Variants in SPAST observed in about 807,000 individuals in gnomAD.
SPAST encodes spastin.
A neutral mutation model predicts 76.6 loss-of-function variants in SPAST; 30 were observed. The observed-to-expected ratio is 0.39, with a 90% confidence interval of 0.29 to 0.53. SPAST has a LOEUF of 0.53. Among genes scored for constraint, SPAST ranks in the 20% least tolerant of loss-of-function variants. The pLI, the probability that SPAST is intolerant of heterozygous loss-of-function variation, is 0.68. For missense variants in SPAST, 717 were observed against 770.5 expected, an observed-to-expected ratio of 0.93 and a Z score of 0.82; for synonymous variants, 305 against 281.0, an observed-to-expected ratio of 1.09 and a Z score of -0.86.
In SPAST at chr2:32,063,618, G is replaced by C; in HGVS notation, c.-214G>C. ...CAGCGACAGGAAGGGAGGGGCCCGA[G>C]CCACCGACTGCAGGAGGAGAAGGGG... On this transcript the variant is annotated 5_prime_UTR_variant, in exon 1 of 17. Coordinates refer to ENST00000315285, the MANE Select transcript of SPAST (RefSeq NM_014946.4). The C allele has an allele frequency of 1.8e-5, 11 of 596,484 alleles. No individual in the cohort carries two copies. The South Asian group carries it at 2.3e-4, about 13-fold the overall frequency. The allele number at this position is 596,484 out of a possible 1,614,324, so 36.9% of individuals were successfully genotyped here. A position where few individuals can be genotyped will look rare whatever the true frequency, so the allele number is the denominator to read the frequency against.
intron 13 of SPAST, among the ~76,000 whole-genome samples, chr2:32,142,262 T>C (rs756808948): frequency 3.0e-4 from 46 of 152,196 alleles, no homozygotes; most frequent in Non-Finnish European, 5.6e-4. Context: ...ATTCATTTAA[T>C]GGATACTGTT....
chr2:32,136,328 G>A (rs1252762078), intron 9 of SPAST, among the ~76,000 whole-genome samples: 1 of 152,018 alleles, frequency 6.6e-6, no homozygotes, highest in Admixed American at 6.6e-5. Context: ...AGGAATGCAG[G>A]GTGAAGCAAA....
At position 32,083,672 on chromosome 2, in the gene SPAST, TA is replaced by T. The variant is rs1558619864; in HGVS notation, c.416-3819del. Reference sequence around the variant, plus strand: ...TCTGCCTACTATATATATATATATATATATTTTTATGCTATATATAGAGTAT... The same window carrying T: ...TCTGCCTACTATATATATATATATATTATTTTTATGCTATATATAGAGTAT... On this transcript the variant is annotated intron_variant, in intron 1 of 16. Coordinates refer to ENST00000315285, the MANE Select transcript of SPAST (RefSeq NM_014946.4). 2.0e-3 allele frequency among the ~76,000 whole-genome samples: 282 copies of T among 141,320 alleles called. 4 individuals are homozygous for T. The highest frequency in any genetic ancestry group is 5.1e-3 in the African/African-American group (197 of 38,836). 92.7% of individuals were successfully genotyped at this position (141,320 alleles called of 152,430 possible).
intron 11 of SPAST, 30 bp from the exon 12 acceptor site, chr2:32,137,079 A>G: frequency 6.3e-7 from 1 of 1,596,678 alleles, no homozygotes; most frequent in South Asian, 1.1e-5. Context: ...ACTTTTCTAA[A>G]TGAATTGAAA....
At chr2:32,071,567 A>G (rs1294626493) in intron 1 of SPAST, among the ~76,000 whole-genome samples, 3 of 152,328 alleles carry the variant, frequency 2.0e-5, no homozygotes, top group Non-Finnish European at 2.9e-5. Context: ...TGGTCAGGCT[A>G]TAGCTTGATT....
intron 12 of SPAST, among the ~76,000 whole-genome samples, chr2:32,138,085 A>G (rs1454174013): frequency 6.6e-6 from 1 of 152,156 alleles, no homozygotes; most frequent in African/African-American, 2.4e-5. Context: ...ACTTAGATTG[A>G]TTCTATGTCT....
intron 4 of SPAST, among the ~76,000 whole-genome samples, chr2:32,105,577 C>T (rs540578562): frequency 6.6e-6 from 1 of 152,246 alleles, no homozygotes; most frequent in Admixed American, 6.5e-5. Flanking sequence ...CTGGTTTCTC[C>T]CCATCTTTGT....
At position 32,063,682 on chromosome 2, in the gene SPAST, GGCGGGCA is replaced by G; in HGVS notation, c.-146_-140del. ...CGAGGAAGGAGAAAGGGGCGGGGCC[GGCGGGCA>G]GCGTGCGGCAGTGCGGAGCTCCTGA... On this transcript the variant is annotated 5_prime_UTR_variant, in exon 1 of 17. Coordinates refer to ENST00000315285, the MANE Select transcript of SPAST (RefSeq NM_014946.4). The G allele has an allele frequency of 1.9e-6, 2 of 1,029,594 alleles. No homozygotes were observed. The highest frequency in any genetic ancestry group is 2.8e-5 in the Admixed American group (1 of 36,210). The allele number at this position is 1,029,594 out of a possible 1,614,324, so 63.8% of individuals were successfully genotyped here.
intron 15 of SPAST, among the ~76,000 whole-genome samples, chr2:32,145,372 C>T (rs527268600): frequency 2.6e-5 from 4 of 152,292 alleles, no homozygotes; most frequent in South Asian, 2.1e-4. Context: ...GCTGGGATTA[C>T]AGGCATGAGC....
chr2:32,117,461 T>G (rs1212106970), intron 7 of SPAST, among the ~76,000 whole-genome samples: 3 of 146,544 alleles, frequency 2.0e-5, no homozygotes, highest in South Asian at 2.1e-4. Flanking sequence ...TATGGGAAAG[T>G]TTTTTTTTTA....
intron 1 of SPAST, among the ~76,000 whole-genome samples, chr2:32,070,014 G>C (rs1284567336): frequency 2.7e-5 from 4 of 150,674 alleles, no homozygotes; most frequent in Admixed American, 1.3e-4. Context: ...TGTTTTATAT[G>C]GTGACTATGT....
In SPAST at chr2:32,110,526, AG is replaced by A. The variant is rs1414559050; in HGVS notation, c.683-4111del. Among the ~76,000 whole-genome samples, 7 of 55,816 alleles carry A rather than the reference AG, an allele frequency of 1.3e-4. No individual in the cohort carries two copies. In the East Asian group the frequency reaches 4.3e-3, roughly 34 times the overall value. The allele number at this position is 55,816 out of a possible 152,430, so 36.6% of individuals were successfully genotyped here. On this transcript the variant is annotated intron_variant, in intron 4 of 16. Coordinates refer to ENST00000315285, the MANE Select transcript of SPAST (RefSeq NM_014946.4). ...TATATATAGTATATATATACTATAT[AG>A]TGTGTATATATAGTATATATATACT...
intron 1 of SPAST, among the ~76,000 whole-genome samples, chr2:32,068,665 C>T (rs1009590128): frequency 2.6e-5 from 4 of 152,052 alleles, no homozygotes; most frequent in East Asian, 1.9e-4. Flanking sequence ...CAACTGATGC[C>T]GTAATATGCC....
chr2:32,090,126 C>T (rs1677653777), intron 3 of SPAST, among the ~76,000 whole-genome samples: 1 of 152,222 alleles, frequency 6.6e-6, no homozygotes, highest in Admixed American at 6.5e-5. Context: ...CACTATCAGT[C>T]TTGATTTATT....
intron 3 of SPAST, among the ~76,000 whole-genome samples, chr2:32,095,789 T>C (rs909767699): frequency 2.0e-5 from 3 of 151,930 alleles, no homozygotes; most frequent in African/African-American, 4.8e-5. Flanking sequence ...CAGGAAAATG[T>C]GATGACATGA....
At position 32,064,065 on chromosome 2, in the gene SPAST, C is replaced by T. The variant is rs1218904926; in HGVS notation, c.234C>T (p.Leu78=). The T allele has an allele frequency of 1.9e-6, 3 of 1,612,982 alleles. No homozygotes were observed. Among genetic ancestry groups the T allele is most frequent in the Non-Finnish European group, 2.5e-6 (3 of 1,179,406 alleles). The change falls in exon 1 of 17, where the codon CTC becomes CTT. Residue 78 remains leucine, a synonymous_variant. Coordinates refer to ENST00000315285, the MANE Select transcript of SPAST (RefSeq NM_014946.4). ...AFHLGLLFVW[L]CQRFSRALMA... ...ACCTGGGGCTCCTCTTCGTGTGGCT[C>T]TGCCAGCGCTTCTCCCGCGCCCTCA...
At chr2:32,118,123 T>A (rs1401076125) in intron 7 of SPAST, among the ~76,000 whole-genome samples, 9 of 152,230 alleles carry the variant, frequency 5.9e-5, no homozygotes, top group Admixed American at 4.6e-4. Flanking sequence ...CATTAAAATC[T>A]TACGGACCTA....
chr2:32,145,987 T>G (rs1179467395), intron 15 of SPAST, among the ~76,000 whole-genome samples: 2 of 152,236 alleles, frequency 1.3e-5, no homozygotes, highest in Non-Finnish European at 2.9e-5. Context: ...TATACAAACC[T>G]TTTTGTTTTA....
At chr2:32,115,081 T>A (rs1367341285) in intron 5 of SPAST, among the ~76,000 whole-genome samples, 1 of 151,704 alleles carries the variant, frequency 6.6e-6, no homozygotes, top group Admixed American at 6.6e-5. Flanking sequence ...CCCAAGTAGC[T>A]GGGATTACAG....
Sources: gnomAD v4.1 joint callset for allele counts (sites outside exome capture counted in the v4.1 genomes callset) on GRCh38, gnomAD v4.1.1 for gene constraint, MANE v1.5 for transcripts, NCBI Gene and HGNC (gene_info 2026-07-23, HGNC 2026-07-21) for gene names.